The following DNAH14 variants were observed in gnomAD, a reference collection of about 807,000 sequenced individuals.
DNAH14 encodes the protein axonemal beta dynein heavy chain 14.
Under a neutral mutation model 520.9 loss-of-function variants are expected in DNAH14, and 478 were observed. The ratio of observed to expected loss-of-function variants is 0.92; its 90% CI spans 0.85 to 0.99. The LOEUF (loss-of-function observed/expected upper bound fraction) is 0.99. Among genes scored for constraint, DNAH14 ranks in the 50% least tolerant of loss-of-function variants. The pLI, the probability that DNAH14 is intolerant of heterozygous loss-of-function variation, is 0.00. For missense variants in DNAH14, 4,831 were observed against 5,234.5 expected, an observed-to-expected ratio of 0.92 and a Z score of 2.38; for synonymous variants, 1,581 against 1,757.2, an observed-to-expected ratio of 0.90 and a Z score of 2.51.
intron 10 of DNAH14, among the ~76,000 whole-genome samples, chr1:225,013,106 A>G (rs764339389): frequency 6.6e-6 from 1 of 151,078 alleles, no homozygotes; most frequent in Non-Finnish European, 1.5e-5. Flanking sequence ...GGATTTATCT[A>G]CCTTTGGTCT....
At chr1:225,068,497 A>G (rs1390700732) in intron 17 of DNAH14, among the ~76,000 whole-genome samples, 1 of 152,160 alleles carries the variant, frequency 6.6e-6, no homozygotes, top group Non-Finnish European at 1.5e-5. Context: ...TGTCAATGGT[A>G]GTTTAATGGA....
At chr1:224,970,282 A>C (rs1300763570) in intron 7 of DNAH14, among the ~76,000 whole-genome samples, 1 of 152,092 alleles carries the variant, frequency 6.6e-6, no homozygotes, top group Non-Finnish European at 1.5e-5. Flanking sequence ...CCGCCTAATA[A>C]ATTTTGGTGA....
intron 11 of DNAH14, among the ~76,000 whole-genome samples, chr1:225,033,134 C>T (rs946940781): frequency 6.6e-6 from 1 of 151,948 alleles, no homozygotes; most frequent in Non-Finnish European, 1.5e-5. Context: ...TTTGTGTCTT[C>T]ATCATTAAAT....
At chr1:224,945,150 C>A (rs1287641961) in intron 1 of DNAH14, among the ~76,000 whole-genome samples, 2 of 152,170 alleles carry the variant, frequency 1.3e-5, no homozygotes, top group Non-Finnish European at 2.9e-5. Context: ...TAGATTTGGT[C>A]TTTTCACAGA....
At chr1:225,196,803 A>G (rs2086198656) in intron 38 of DNAH14, among the ~76,000 whole-genome samples, 1 of 152,104 alleles carries the variant, frequency 6.6e-6, no homozygotes, top group African/African-American at 2.4e-5. Context: ...GGCCATTTGT[A>G]TATCTTCTTT....
At chr1:225,361,618 C>G (rs1479420885) in intron 75 of DNAH14, among the ~76,000 whole-genome samples, 1 of 152,166 alleles carries the variant, frequency 6.6e-6, no homozygotes, top group Non-Finnish European at 1.5e-5. Flanking sequence ...ATGCTTTGAG[C>G]ATGCACAAGG....
At chr1:225,130,506 C>T (rs1369532808) in intron 27 of DNAH14, among the ~76,000 whole-genome samples, 1 of 151,888 alleles carries the variant, frequency 6.6e-6, no homozygotes. Flanking sequence ...ATGATGAGTT[C>T]ATGCCCTTTG....
intron 52 of DNAH14, among the ~76,000 whole-genome samples, chr1:225,275,178 C>G (rs1331963589): frequency 6.6e-6 from 1 of 152,152 alleles, no homozygotes; most frequent in Non-Finnish European, 1.5e-5. Flanking sequence ...TTCATTTAGC[C>G]ATTTGCGAAA....
chr1:225,221,687 G>A lies in DNAH14; in HGVS notation c.6440-9386G>A, dbSNP rs112450474. ...TAGGAGATCAGTCAGGGTGATGGGA[G>A]AAATTATAAGGAAAGATGCAAACCT... On this transcript the variant is annotated intron_variant, in intron 41 of 85. Transcript: ENST00000682510. Among the ~76,000 whole-genome samples the A allele has an allele frequency of 3.9e-3, 588 of 152,250 alleles. 5 individuals are homozygous for A. Among genetic ancestry groups the A allele is most frequent in the African/African-American group, 0.013 (557 of 41,548 alleles).
At position 225,111,906 on chromosome 1, in the gene DNAH14, A is replaced by G. The variant is rs79598986; in HGVS notation, c.3868-5778A>G. On this transcript the variant is annotated intron_variant, in intron 23 of 85. Coordinates refer to ENST00000682510, the MANE Select transcript of DNAH14 (RefSeq NM_001367479.1). The stretch of plus-strand genomic sequence containing the variant: ...CACTGATTGCATAAACAAACAAATG[A>G]GCAAAAACAAAGCTAATAAAAACTC... Among the ~76,000 whole-genome samples the G allele has an allele frequency of 3.0e-3, 453 of 152,282 alleles. 1 individual carries two copies. Among genetic ancestry groups the G allele is most frequent in the Non-Finnish European group, 4.1e-3 (282 of 67,986 alleles).
chr1:225,012,964 CA>C (rs1184505094), intron 10 of DNAH14, among the ~76,000 whole-genome samples: 5 of 152,294 alleles, frequency 3.3e-5, no homozygotes, highest in African/African-American at 1.2e-4. Flanking sequence ...CTACTTCTGT[CA>C]GTTCATCAAA....
intron 8 of DNAH14, among the ~76,000 whole-genome samples, chr1:224,975,432 A>G (rs1316989236): frequency 2.0e-5 from 3 of 151,948 alleles, no homozygotes; most frequent in Non-Finnish European, 4.4e-5. Context: ...CAGAGATTCA[A>G]CTTCTTCCTG....
chr1:225,277,688 GTATT>G lies in DNAH14; in HGVS notation c.8271+188_8271+191del, dbSNP rs1451068564. 6.6e-5 allele frequency among the ~76,000 whole-genome samples: 10 copies of G among 152,296 alleles called. No individual in the cohort carries two copies. In the East Asian group the frequency reaches 1.9e-3, roughly 29 times the overall value. ...TGAAATCTGTCAGCAAATAAAAATG[GTATT>G]TGTTTTTGGAAGGCACTTGATGTGA... On this transcript the variant is annotated intron_variant, in intron 54 of 85. Transcript: ENST00000682510.
chr1:225,279,984 G>A (rs1436297515), intron 54 of DNAH14, among the ~76,000 whole-genome samples: 2 of 151,074 alleles, frequency 1.3e-5, no homozygotes, highest in Non-Finnish European at 2.9e-5. Flanking sequence ...TACCAATAAA[G>A]GGATATAAAT....
At chr1:225,353,742 G>T in intron 72 of DNAH14, 61 bp from the exon 73 acceptor site, 1 of 877,132 alleles carries the variant, frequency 1.1e-6, no homozygotes. Flanking sequence ...ATTGTGATAT[G>T]TTTTAATGAT....
chr1:225,108,642 G>C (rs1197894862), intron 23 of DNAH14, among the ~76,000 whole-genome samples: 1 of 152,124 alleles, frequency 6.6e-6, no homozygotes, highest in Admixed American at 6.5e-5. Flanking sequence ...TAGTTTAAAA[G>C]TATTTTCTCC....
intron 15 of DNAH14, among the ~76,000 whole-genome samples, chr1:225,045,992 CAT>C (rs1472976101): frequency 6.6e-6 from 1 of 152,016 alleles, no homozygotes; most frequent in Non-Finnish European, 1.5e-5. Flanking sequence ...ATCCCATATA[CAT>C]TCATGAATTA....
intron 43 of DNAH14, among the ~76,000 whole-genome samples, 173 bp downstream of exon 43, chr1:225,240,995 A>G (rs906462916): frequency 3.3e-5 from 5 of 152,204 alleles, no homozygotes; most frequent in African/African-American, 9.6e-5. Flanking sequence ...AGAAAATTAC[A>G]TTCCTGTTTG....
chr1:225,335,351 A>ACACG (rs2094930785), intron 66 of DNAH14, among the ~76,000 whole-genome samples: 2 of 39,042 alleles, frequency 5.1e-5, no homozygotes, highest in Non-Finnish European at 9.7e-5. Flanking sequence ...GTGTGTGTAT[A>ACACG]TGCATATACA....
Sources: allele counts gnomAD v4.1 joint callset (sites outside exome capture counted in the v4.1 genomes callset), GRCh38; gene constraint gnomAD v4.1.1; transcripts MANE v1.5; gene names NCBI Gene and HGNC (gene_info 2026-07-23, HGNC 2026-07-21).